ATXN7L1: variants seen among roughly 807,000 people sequenced by gnomAD.
The protein encoded by ATXN7L1 is ataxin-7-like protein 1.
ATXN7L1 carries 15 observed loss-of-function variants against 70.8 expected under a neutral mutation model. The ratio of observed to expected loss-of-function variants is 0.21; its 90% confidence interval spans 0.14 to 0.33. The LOEUF is 0.33. Ranked by LOEUF, ATXN7L1 falls within the 10% of genes least tolerant of loss-of-function variation. The pLI, the probability that ATXN7L1 is intolerant of heterozygous loss-of-function variation, is 1.00. For missense variants in ATXN7L1, 975 were observed against 1,097.1 expected (o/e 0.89, Z 1.57); for synonymous variants, 440 against 445.1 (o/e 0.99, Z 0.14).
At chr7:105,733,362 T>G (rs965772489) in intron 3 of ATXN7L1, among the ~76,000 whole-genome samples, 2 of 152,254 alleles carry the variant, frequency 1.3e-5, no homozygotes, top group Non-Finnish European at 2.9e-5. Flanking sequence ...AGTATATGCA[T>G]AGACAAGCAG....
At chr7:105,618,294 T>A (rs1034438217) in intron 9 of ATXN7L1, among the ~76,000 whole-genome samples, 1 of 152,204 alleles carries the variant, frequency 6.6e-6, no homozygotes, top group Admixed American at 6.5e-5. Flanking sequence ...GAGAGCACAG[T>A]CACCCCACGT....
At chr7:105,769,442 G>A (rs1801696876) in intron 3 of ATXN7L1, among the ~76,000 whole-genome samples, 1 of 152,138 alleles carries the variant, frequency 6.6e-6, no homozygotes, top group Non-Finnish European at 1.5e-5. Context: ...CACCACTCAG[G>A]CAATGCTTGG....
At chr7:105,612,102 A>G (rs1054254110) in intron 10 of ATXN7L1, among the ~76,000 whole-genome samples, 2 of 152,206 alleles carry the variant, frequency 1.3e-5, no homozygotes, top group African/African-American at 4.8e-5. Context: ...CAAAGTATCA[A>G]CAGAGCCACA....
At chr7:105,611,680 A>T (rs895734047) in intron 10 of ATXN7L1, among the ~76,000 whole-genome samples, 5 of 152,236 alleles carry the variant, frequency 3.3e-5, no homozygotes, top group African/African-American at 1.2e-4. Flanking sequence ...CTACATTCAC[A>T]GTCTTGATTT....
At chr7:105,729,872 G>A (rs1796337068) in intron 3 of ATXN7L1, among the ~76,000 whole-genome samples, 2 of 152,016 alleles carry the variant, frequency 1.3e-5, no homozygotes, top group South Asian at 4.1e-4. Flanking sequence ...CGAGTAGCTG[G>A]GACTACAGGC....
chr7:105,709,558 T>G (rs1229606910), intron 3 of ATXN7L1, among the ~76,000 whole-genome samples: 1 of 152,056 alleles, frequency 6.6e-6, no homozygotes, highest in Non-Finnish European at 1.5e-5. Context: ...CCTTCCCTAA[T>G]CACCCCAGGG....
chr7:105,638,789 ATGCCCTACACTCC>A (rs1797737302), intron 6 of ATXN7L1, among the ~76,000 whole-genome samples, 180 bp from the exon 7 acceptor site: 1 of 151,838 alleles, frequency 6.6e-6, no homozygotes, highest in Non-Finnish European at 1.5e-5. Flanking sequence ...GAACGCAACC[ATGCCCTACACTCC>A]TGGTGTTAAG....
At chr7:105,788,561 G>A (rs777526886) in intron 3 of ATXN7L1, 43 bp downstream of exon 3, 4 of 1,486,534 alleles carry the variant, frequency 2.7e-6, no homozygotes, top group East Asian at 2.3e-5. Flanking sequence ...TGTCCCCAGG[G>A]CGGCAGCTGC....
At chr7:105,795,638 G>T (rs1297943030) in intron 2 of ATXN7L1, among the ~76,000 whole-genome samples, 1 of 152,128 alleles carries the variant, frequency 6.6e-6, no homozygotes, top group Non-Finnish European at 1.5e-5. Flanking sequence ...TTGCAAGCAG[G>T]AATTCCAGGT....
At chr7:105,767,287 G>A (rs1031291782) in intron 3 of ATXN7L1, among the ~76,000 whole-genome samples, 1 of 152,076 alleles carries the variant, frequency 6.6e-6, no homozygotes, top group Admixed American at 6.5e-5. Context: ...GAGGCCCACC[G>A]GGAGTTTCAA....
At chr7:105,798,033 A>G (rs1427965696) in intron 2 of ATXN7L1, among the ~76,000 whole-genome samples, 1 of 152,246 alleles carries the variant, frequency 6.6e-6, no homozygotes, top group African/African-American at 2.4e-5. Flanking sequence ...GAAGTAGTAA[A>G]TGATAATAAA....
At chr7:105,628,592 A>G (rs1401280518) in intron 7 of ATXN7L1, among the ~76,000 whole-genome samples, 1 of 151,830 alleles carries the variant, frequency 6.6e-6, no homozygotes, top group African/African-American at 2.4e-5. Context: ...GATCGAGACC[A>G]TCCTGGCTAA....
At chr7:105,759,148 T>TTA (rs397958513) in intron 3 of ATXN7L1, among the ~76,000 whole-genome samples, 1 of 135,184 alleles carries the variant, frequency 7.4e-6, no homozygotes, top group African/African-American at 2.8e-5. Context: ...GCCTTTTTTT[T>TTA]AGTTTATTCT....
chr7:105,665,353 A>T, intron 3 of ATXN7L1, 65 bp from the exon 4 acceptor site: 1 of 1,293,524 alleles, frequency 7.7e-7, no homozygotes, highest in Non-Finnish European at 1.1e-6. Flanking sequence ...CCACACACTC[A>T]CATACACTCA....
At chr7:105,761,199 C>T (rs957867659) in intron 3 of ATXN7L1, 85 of 1,422,894 alleles carry the variant, frequency 6.0e-5, no homozygotes, top group Non-Finnish European at 7.5e-5. Flanking sequence ...CTGCTCTGCT[C>T]AAGCCCATTT....
At chr7:105,767,621 C>A (rs954377980) in intron 3 of ATXN7L1, among the ~76,000 whole-genome samples, 1 of 152,226 alleles carries the variant, frequency 6.6e-6, no homozygotes, top group Admixed American at 6.5e-5. Flanking sequence ...ATCCTCCTGA[C>A]AACCTCTGAG....
At chr7:105,842,420 C>T (rs572762869) in intron 2 of ATXN7L1, among the ~76,000 whole-genome samples, 9 of 152,252 alleles carry the variant, frequency 5.9e-5, no homozygotes, top group East Asian at 1.9e-4. Flanking sequence ...TTCCTCTCTA[C>T]GGATTGCCCT....
intron 3 of ATXN7L1, among the ~76,000 whole-genome samples, chr7:105,727,771 T>TATATAA (rs1408255719): frequency 8.1e-6 from 1 of 122,858 alleles, no homozygotes; most frequent in African/African-American, 3.3e-5. Flanking sequence ...TATATATATA[T>TATATAA]ATATATACAC....
intron 4 of ATXN7L1, among the ~76,000 whole-genome samples, chr7:105,647,131 T>C (rs1409272811): frequency 6.6e-6 from 1 of 152,172 alleles, no homozygotes; most frequent in African/African-American, 2.4e-5. Flanking sequence ...CCTTCTCTGA[T>C]GTATTAATAT....
Sources: allele counts gnomAD v4.1 joint callset (sites outside exome capture counted in the v4.1 genomes callset), GRCh38; gene constraint gnomAD v4.1.1; transcripts MANE v1.5; gene names NCBI Gene and HGNC (gene_info 2026-07-23, HGNC 2026-07-21).